The following PUM1 variants were observed in gnomAD, a reference collection of about 807,000 sequenced individuals.
PUM1 encodes the protein pumilio homolog 1.
In PUM1, 13 loss-of-function variants were observed where a neutral mutation model predicts 131.8. The observed-to-expected ratio is 0.10, with a 90% confidence interval of 0.06 to 0.16. PUM1 has a LOEUF of 0.16. Ranked by LOEUF, PUM1 falls within the 10% of genes least tolerant of loss-of-function variation. PUM1 has a pLI of 1.00. For missense variants in PUM1, 961 were observed against 1,512.4 expected (o/e 0.64, Z 6.05); for synonymous variants, 509 against 556.5 (o/e 0.91, Z 1.20).
At chr1:30,942,954 C>T (rs1208706920) in intron 18 of PUM1, among the ~76,000 whole-genome samples, 1 of 152,168 alleles carries the variant, frequency 6.6e-6, no homozygotes, top group Non-Finnish European at 1.5e-5. Flanking sequence ...CGGAGATTCG[C>T]TATGTTGCCC....
At chr1:31,041,678 A>G (rs570381677) in intron 2 of PUM1, among the ~76,000 whole-genome samples, 2 of 152,248 alleles carry the variant, frequency 1.3e-5, no homozygotes, top group African/African-American at 4.8e-5. Flanking sequence ...TCTCTTGACC[A>G]TGTGACACAT....
intron 3 of PUM1, among the ~76,000 whole-genome samples, chr1:31,023,955 AGT>A (rs1191639886): frequency 6.6e-6 from 1 of 151,798 alleles, no homozygotes; most frequent in African/African-American, 2.4e-5. Flanking sequence ...CCCAATGAAA[AGT>A]TACAAAATCT....
chr1:31,004,912 T>C (rs1383979199), intron 5 of PUM1, among the ~76,000 whole-genome samples: 2 of 152,234 alleles, frequency 1.3e-5, no homozygotes, highest in African/African-American at 4.8e-5. Flanking sequence ...CATTAAAATC[T>C]TTTAAATGAC....
intron 14 of PUM1, among the ~76,000 whole-genome samples, chr1:30,961,471 C>CTA (rs1640404896): frequency 6.6e-6 from 1 of 151,910 alleles, no homozygotes; most frequent in African/African-American, 2.4e-5. Context: ...TTACAGTGAG[C>CTA]TATGATAGCA....
At chr1:31,033,802 C>G (rs1643518445) in intron 2 of PUM1, among the ~76,000 whole-genome samples, 1 of 152,080 alleles carries the variant, frequency 6.6e-6, no homozygotes, top group Non-Finnish European at 1.5e-5. Context: ...ACCACCACAC[C>G]CAGCTAATTG....
chr1:31,025,104 T>C (rs1480940258), intron 3 of PUM1, among the ~76,000 whole-genome samples: 1 of 152,236 alleles, frequency 6.6e-6, no homozygotes, highest in Non-Finnish European at 1.5e-5. Context: ...CTTTTTTATA[T>C]TAGCTTTGTA....
At chr1:30,985,762 A>T (rs1389070906) in intron 7 of PUM1, among the ~76,000 whole-genome samples, 1 of 152,000 alleles carries the variant, frequency 6.6e-6, no homozygotes, top group African/African-American at 2.4e-5. Flanking sequence ...GTTTTTACGG[A>T]TGAGTACTTT....
intron 1 of PUM1, among the ~76,000 whole-genome samples, chr1:31,060,148 C>A (rs1240525084): frequency 6.6e-6 from 1 of 150,832 alleles, no homozygotes; most frequent in East Asian, 2.0e-4. Flanking sequence ...GCGCCCAGCC[C>A]CAAAAGCCTT....
intron 16 of PUM1, among the ~76,000 whole-genome samples, chr1:30,951,743 C>T (rs67352588): frequency 0.28 from 43,136 of 152,014 alleles, 6,606 homozygotes; most frequent in Non-Finnish European, 0.34. Context: ...AGAAGTAAAA[C>T]AAGAAATCAA....
At position 30,966,182 on chromosome 1, in the gene PUM1, T is replaced by C. The variant is rs777816774; in HGVS notation, c.1886A>G (p.Gln629Arg). 6.2e-7 allele frequency: 1 copy of C among 1,614,132 alleles called. No individual in the cohort carries two copies. The stretch of plus-strand genomic sequence containing the variant: ...ATTGGGCTGCTGCTGGGGCTGGGGC[T>C]GAGGCTGCTGTGTTCCTAAAGGGCG... ...PFRPLGTQQP[Q>R]PQPQQQPNNN... The change falls in exon 13 of 22, where the codon CAG becomes CGG. Residue 629 changes from glutamine (Q) to arginine (R), a missense_variant. Gln to Arg is a conservative substitution (Grantham distance 43). Coordinates refer to ENST00000426105, the MANE Select transcript of PUM1 (RefSeq NM_001020658.2).
chr1:30,940,072 G>A (rs1473), intron 20 of PUM1, among the ~76,000 whole-genome samples: 10,993 of 152,150 alleles, frequency 0.072, 661 homozygotes, highest in East Asian at 0.29. Context: ...ATATAAAGTC[G>A]TAAGAGATAA....
chr1:30,950,456 A>G (rs1639884085), intron 16 of PUM1, among the ~76,000 whole-genome samples, 195 bp from the exon 17 acceptor site: 1 of 152,226 alleles, frequency 6.6e-6, no homozygotes. Flanking sequence ...ATTATGAGTA[A>G]CCCTTTTTAA....
chr1:31,059,148 A>G lies in PUM1; in HGVS notation c.363+56T>C, dbSNP rs1279499575. The G allele has an allele frequency of 2.0e-6, 3 of 1,509,126 alleles. No homozygotes were observed. The African/African-American group carries it at 4.2e-5, about 21-fold the overall frequency. 93.5% of individuals were successfully genotyped at this position (1,509,126 alleles called of 1,614,324 possible). A position where few individuals can be genotyped will look rare whatever the true frequency, so the allele number is the denominator to read the frequency against. Reference sequence around the variant, plus strand: ...GACATTCATTGAAAGCAGATATCCTAAGTGGACAGTGATTATAAAGGAATG... The same window carrying G: ...GACATTCATTGAAAGCAGATATCCTGAGTGGACAGTGATTATAAAGGAATG... On this transcript the variant is annotated intron_variant, in intron 2 of 21. Transcript: ENST00000426105.
At chr1:30,966,831 C>A (rs556683192) in intron 12 of PUM1, among the ~76,000 whole-genome samples, 44 of 151,982 alleles carry the variant, frequency 2.9e-4, no homozygotes, top group Non-Finnish European at 5.4e-4. Context: ...AAAACAACCC[C>A]TCCTCTAAAA....
chr1:31,049,770 C>A (rs887951631), intron 2 of PUM1, among the ~76,000 whole-genome samples: 1 of 150,312 alleles, frequency 6.7e-6, no homozygotes, highest in East Asian at 1.9e-4. Flanking sequence ...ATTTCAGAGG[C>A]ATATATAATC....
chr1:30,962,218 T>C (rs971032321), intron 14 of PUM1, among the ~76,000 whole-genome samples: 4 of 152,154 alleles, frequency 2.6e-5, no homozygotes. Context: ...AACATAAAAC[T>C]AGGCAGGCAA....
chr1:30,946,353 C>T (rs999852996), intron 17 of PUM1, among the ~76,000 whole-genome samples: 30 of 136,610 alleles, frequency 2.2e-4, no homozygotes, highest in Admixed American at 5.2e-4. Flanking sequence ...AAAAAAAAAT[C>T]ATAGGCCAGG....
chr1:30,943,107 T>C (rs950485202), intron 18 of PUM1, among the ~76,000 whole-genome samples: 33 of 152,284 alleles, frequency 2.2e-4, no homozygotes, highest in African/African-American at 7.2e-4. Context: ...TAAAGATAAA[T>C]AGTATACTGT....
intron 7 of PUM1, among the ~76,000 whole-genome samples, chr1:30,983,757 C>CA (rs1641443113): frequency 8.3e-6 from 1 of 121,100 alleles, no homozygotes. Context: ...CCACGCCTGG[C>CA]ATTTTTTTTT....
Sources: allele counts gnomAD v4.1 joint callset (sites outside exome capture counted in the v4.1 genomes callset), GRCh38; gene constraint gnomAD v4.1.1; transcripts MANE v1.5; gene names NCBI Gene and HGNC (gene_info 2026-07-23, HGNC 2026-07-21).